Variants in ARHGAP24 observed in about 807,000 individuals in gnomAD.
The protein encoded by ARHGAP24 is Rho GTPase activating protein 24, also known as rho GTPase-activating protein 24.
ARHGAP24 carries 50 observed loss-of-function variants against 76.4 expected under a neutral mutation model. That is an observed-to-expected ratio of 0.65 (90% CI 0.52 to 0.83). ARHGAP24 has a LOEUF of 0.83. ARHGAP24 is among the 40% of genes least tolerant of loss of function. ARHGAP24 has a pLI of 0.00. For synonymous variants in ARHGAP24, 345 were observed against 323.3 expected, an observed-to-expected ratio of 1.07 and a Z score of -0.72; for missense variants, 930 against 914.2, an observed-to-expected ratio of 1.02 and a Z score of -0.22.
chr4:85,697,284 G>A (rs1578148773), intron 2 of ARHGAP24, among the ~76,000 whole-genome samples: 1 of 152,282 alleles, frequency 6.6e-6, no homozygotes, highest in Non-Finnish European at 1.5e-5. Context: ...CTATCTAGTT[G>A]TGCACAGATA....
At chr4:85,564,479 C>G (rs1361257087) in intron 1 of ARHGAP24, among the ~76,000 whole-genome samples, 3 of 150,896 alleles carry the variant, frequency 2.0e-5, no homozygotes, top group Non-Finnish European at 2.9e-5. Flanking sequence ...CAACATGGCA[C>G]ATGTATACAT....
chr4:85,676,826 A>G (rs1722996384), intron 2 of ARHGAP24, among the ~76,000 whole-genome samples: 2 of 152,236 alleles, frequency 1.3e-5, no homozygotes, highest in African/African-American at 4.8e-5. Context: ...TAATTCTGTC[A>G]AAAGAAGTAG....
chr4:85,826,383 G>A (rs1729712752), intron 3 of ARHGAP24, among the ~76,000 whole-genome samples: 1 of 152,098 alleles, frequency 6.6e-6, no homozygotes. Flanking sequence ...CCAGAATTTT[G>A]ACTAGTCTTG....
At chr4:85,698,292 T>A (rs1253095138) in intron 2 of ARHGAP24, among the ~76,000 whole-genome samples, 1 of 152,204 alleles carries the variant, frequency 6.6e-6, no homozygotes, top group Non-Finnish European at 1.5e-5. Context: ...TTTCTGTGAC[T>A]GTCTGCCTGG....
At chr4:85,566,118 T>A (rs571185654) in intron 1 of ARHGAP24, among the ~76,000 whole-genome samples, 1 of 152,348 alleles carries the variant, frequency 6.6e-6, no homozygotes, top group African/African-American at 2.4e-5. Flanking sequence ...CACAGGTTAA[T>A]TTCTCAGTTC....
intron 3 of ARHGAP24, among the ~76,000 whole-genome samples, chr4:85,782,499 G>T (rs1232369106): frequency 6.6e-6 from 1 of 152,154 alleles, no homozygotes; most frequent in Admixed American, 6.5e-5. Flanking sequence ...GTGCTTCTTA[G>T]TACAACCTTA....
At chr4:85,881,957 T>C (rs1733278314) in intron 3 of ARHGAP24, among the ~76,000 whole-genome samples, 1 of 152,242 alleles carries the variant, frequency 6.6e-6, no homozygotes, top group African/African-American at 2.4e-5. Context: ...TATATGTTTA[T>C]TGAATTTTTA....
chr4:85,952,341 T>C (rs1737659008), intron 5 of ARHGAP24, among the ~76,000 whole-genome samples: 1 of 152,274 alleles, frequency 6.6e-6, no homozygotes, highest in Non-Finnish European at 1.5e-5. Context: ...TATCAGTACA[T>C]TGGTTTCTTT....
chr4:85,502,554 T>G (rs969799545), intron 1 of ARHGAP24, among the ~76,000 whole-genome samples: 5 of 152,208 alleles, frequency 3.3e-5, no homozygotes, highest in Admixed American at 3.3e-4. Flanking sequence ...GCTTGTGAGT[T>G]TTACACATTG....
At chr4:85,978,842 T>C (rs1227789182) in intron 8 of ARHGAP24, among the ~76,000 whole-genome samples, 4 of 152,160 alleles carry the variant, frequency 2.6e-5, no homozygotes, top group Admixed American at 6.6e-5. Flanking sequence ...TCCCAGTGTC[T>C]GTCATCCTAA....
intron 8 of ARHGAP24, among the ~76,000 whole-genome samples, chr4:85,979,730 A>G (rs1176798020): frequency 6.6e-6 from 1 of 152,222 alleles, no homozygotes; most frequent in Non-Finnish European, 1.5e-5. Flanking sequence ...AAGGCAAGAC[A>G]AATGCTGCTT....
At chr4:85,564,469 C>A (rs1254288738) in intron 1 of ARHGAP24, among the ~76,000 whole-genome samples, 1 of 150,554 alleles carries the variant, frequency 6.6e-6, no homozygotes, top group Non-Finnish European at 1.5e-5. Context: ...TGCAGCACAC[C>A]AACATGGCAC....
intron 2 of ARHGAP24, among the ~76,000 whole-genome samples, chr4:85,718,032 A>G (rs922186160): frequency 6.6e-6 from 1 of 152,100 alleles, no homozygotes; most frequent in Non-Finnish European, 1.5e-5. Context: ...GGAAGAATTA[A>G]CCAACTCACA....
intron 2 of ARHGAP24, among the ~76,000 whole-genome samples, chr4:85,579,740 C>T (rs137870878): frequency 4.4e-4 from 67 of 152,216 alleles, no homozygotes; most frequent in African/African-American, 1.5e-3. Context: ...TTTCTTTTAG[C>T]ATAATATTTT....
chr4:85,980,190 T>C (rs1362137905), intron 8 of ARHGAP24, among the ~76,000 whole-genome samples: 1 of 152,228 alleles, frequency 6.6e-6, no homozygotes, highest in Non-Finnish European at 1.5e-5. Flanking sequence ...TTGGTCATTG[T>C]TTCTAGTCTT....
chr4:85,839,952 C>T (rs1400331812), intron 3 of ARHGAP24, among the ~76,000 whole-genome samples: 3 of 143,260 alleles, frequency 2.1e-5, no homozygotes, highest in Non-Finnish European at 3.0e-5. Context: ...CGGGTTCAAG[C>T]GATTCTCCTG....
At chr4:85,663,245 G>A (rs1255245011) in intron 2 of ARHGAP24, among the ~76,000 whole-genome samples, 2 of 148,334 alleles carry the variant, frequency 1.3e-5, no homozygotes, top group East Asian at 1.9e-4. Context: ...TCCCTTGTAA[G>A]TTGGACTCCT....
Position 85,936,238 on chromosome 4 carries a change from T to C in ARHGAP24, c.392-5828T>C, listed in dbSNP as rs138005561. ...GAAGGGATAAGGAACTCAAAATTAA[T>C]GGCACGACCCACGAACTATCAATGA... On this transcript the variant is annotated intron_variant, in intron 4 of 9. Coordinates refer to ENST00000395184, the MANE Select transcript of ARHGAP24 (RefSeq NM_001025616.3). Among the ~76,000 whole-genome samples the C allele has an allele frequency of 5.7e-3, 874 of 152,292 alleles. 8 individuals are homozygous for C. Among genetic ancestry groups the C allele is most frequent in the African/African-American group, 0.02 (841 of 41,554 alleles).
intron 1 of ARHGAP24, among the ~76,000 whole-genome samples, chr4:85,560,730 C>G (rs1374101318): frequency 6.6e-6 from 1 of 152,112 alleles, no homozygotes; most frequent in Non-Finnish European, 1.5e-5. Flanking sequence ...TTATTTTTAA[C>G]TCAAATCATG....
Sources: gnomAD v4.1 joint callset for allele counts (sites outside exome capture counted in the v4.1 genomes callset) on GRCh38, gnomAD v4.1.1 for gene constraint, MANE v1.5 for transcripts, NCBI Gene and HGNC (gene_info 2026-07-23, HGNC 2026-07-21) for gene names.